PDXDC1: variants seen among roughly 807,000 people sequenced by gnomAD.
The protein encoded by PDXDC1 is pyridoxal dependent decarboxylase domain containing 1.
A neutral mutation model predicts 100.1 loss-of-function variants in PDXDC1; 42 were observed. The ratio of observed to expected loss-of-function variants is 0.42; its 90% CI spans 0.33 to 0.54. The LOEUF (loss-of-function observed/expected upper bound fraction) is 0.54. Among genes scored for constraint, PDXDC1 ranks in the 20% least tolerant of loss-of-function variants. PDXDC1 has a pLI of 0.10. For missense variants in PDXDC1, 636 were observed against 979.2 expected (o/e 0.65, Z 4.68); for synonymous variants, 260 against 371.7 (o/e 0.70, Z 3.46).
intron 16 of PDXDC1, among the ~76,000 whole-genome samples, chr16:15,100,748 G>A (rs1457391960): frequency 6.6e-6 from 1 of 152,150 alleles, no homozygotes; most frequent in African/African-American, 2.4e-5. Context: ...GGAGGGTGAG[G>A]CAGGAGAATT....
intron 16 of PDXDC1, among the ~76,000 whole-genome samples, chr16:15,118,458 T>TTCTAGCAGTCTCATTTTTC (rs1167278881): frequency 1.4e-5 from 1 of 70,066 alleles, no homozygotes; most frequent in African/African-American, 6.1e-5. Context: ...CATCCAGCCC[T>TTCTAGCAGTCTCATTTTTC]TCTAGCAGTC....
intron 19 of PDXDC1, 53 bp from the exon 20 acceptor site, chr16:15,034,232 TG>T (rs996750574): frequency 8.6e-6 from 13 of 1,509,688 alleles, no homozygotes; most frequent in African/African-American, 1.4e-5. Context: ...CTAGCTCTTC[TG>T]GGCCCCAGGT....
At chr16:15,139,700 G>C (rs2151933154), downstream of PDXDC1, among the ~76,000 whole-genome samples, 1 of 152,262 alleles carries the variant, frequency 6.6e-6, no homozygotes, top group South Asian at 2.1e-4. Flanking sequence ...AGGATCGCTT[G>C]AGCCAGGGAG....
the PDXDC1 span, among the ~76,000 whole-genome samples, chr16:15,145,719 G>A: frequency 1.3e-5 from 2 of 152,388 alleles, no homozygotes; most frequent in South Asian, 4.1e-4. Context: ...TCTGGGAAAG[G>A]GCGTGAGCTG....
chr16:14,974,848 T>G, upstream of PDXDC1: 1 of 1,535,634 alleles, frequency 6.5e-7, no homozygotes, highest in East Asian at 2.4e-5. Context: ...TGAATAGTAC[T>G]TTGTGATTAT....
chr16:15,088,112 G>A (rs547816727), intron 16 of PDXDC1, among the ~76,000 whole-genome samples: 17 of 150,996 alleles, frequency 1.1e-4, no homozygotes, highest in South Asian at 8.3e-4. Context: ...GCAAAACTCC[G>A]TCTCAAAAAG....
intron 16 of PDXDC1, among the ~76,000 whole-genome samples, chr16:15,059,070 C>A (rs2966129): frequency 0.65 from 99,295 of 152,112 alleles, 34,225 homozygotes; most frequent in Non-Finnish European, 0.76. Flanking sequence ...TGCAGTTGTA[C>A]ACCAATGAAC....
chr16:15,015,580 G>C (rs1293225191), intron 8 of PDXDC1, among the ~76,000 whole-genome samples: 2 of 152,368 alleles, frequency 1.3e-5, no homozygotes, highest in South Asian at 2.1e-4. Context: ...AGCCGGGCGT[G>C]GTGGCCACCG....
chr16:15,142,291 A>G (rs2048487770), downstream of PDXDC1, among the ~76,000 whole-genome samples: 3 of 151,098 alleles, frequency 2.0e-5, no homozygotes, highest in South Asian at 6.3e-4. Flanking sequence ...TGCCATGGAC[A>G]CTTCTTCCAT....
Position 15,026,587 on chromosome 16 carries a change from T to G in PDXDC1, c.1141-56T>G, listed in dbSNP as rs530132001. On this transcript the variant is annotated intron_variant, in intron 13 of 22. Transcript: ENST00000396410. ...GAGTTTTTGAACTCAGCATTTCATT[T>G]TGAAGGCGTCTGGAGTTTAATGTTA... 1.3e-5 allele frequency: 19 copies of G among 1,444,330 alleles called. No individual in the cohort carries two copies. The East Asian group carries it at 4.0e-4, about 31-fold the overall frequency. 89.5% of individuals were successfully genotyped at this position (1,444,330 alleles called of 1,614,324 possible). A position where few individuals can be genotyped will look rare whatever the true frequency, so the allele number is the denominator to read the frequency against.
chr16:15,072,693 G>C (rs1203727408), intron 16 of PDXDC1, among the ~76,000 whole-genome samples: 1 of 152,130 alleles, frequency 6.6e-6, no homozygotes, highest in African/African-American at 2.4e-5. Context: ...GCTATCGAGA[G>C]GGTAAGGACT....
chr16:14,991,534 T>A (rs1296741063), intron 1 of PDXDC1, among the ~76,000 whole-genome samples: 1 of 152,044 alleles, frequency 6.6e-6, no homozygotes, highest in Non-Finnish European at 1.5e-5. Flanking sequence ...CTATTTTTTT[T>A]TTTTTTTTTG....
chr16:15,151,958 T>C, the PDXDC1 span, among the ~76,000 whole-genome samples: 2 of 53,110 alleles, frequency 3.8e-5, no homozygotes, highest in Non-Finnish European at 7.6e-5. Context: ...AAAAAACACA[T>C]GGGTCAGGAG....
intron 16 of PDXDC1, chr16:15,129,749 C>A: frequency 1.6e-6 from 1 of 626,488 alleles, no homozygotes; most frequent in East Asian, 2.7e-5. Flanking sequence ...CCAGGATGAA[C>A]ACACGAGCCC....
At chr16:15,046,381 G>A (rs2151710396) in intron 16 of PDXDC1, among the ~76,000 whole-genome samples, 1 of 152,336 alleles carries the variant, frequency 6.6e-6, no homozygotes, top group African/African-American at 2.4e-5. Context: ...CAAAGAGCAA[G>A]GAGAGGGGAC....
intron 6 of PDXDC1, 34 bp from the exon 7 acceptor site, chr16:15,008,745 G>C (rs770858601): frequency 7.5e-6 from 12 of 1,606,690 alleles, no homozygotes; most frequent in Non-Finnish European, 9.4e-6. Flanking sequence ...GGTGCAGAGA[G>C]CTTTCTTGTC....
chr16:15,025,846 A>G (rs1391479053), intron 13 of PDXDC1: 2 of 152,518 alleles, frequency 1.3e-5, no homozygotes, highest in East Asian at 1.9e-4. Flanking sequence ...AAGTCAGGGT[A>G]TACTGTTTGA....
At chr16:15,021,598 T>C (rs76711645) in intron 12 of PDXDC1, among the ~76,000 whole-genome samples, 12,090 of 150,296 alleles carry the variant, frequency 0.08, 286 homozygotes, top group East Asian at 0.18. Context: ...TGCCATTAAC[T>C]ACCAGACCCT....
chr16:15,039,697 A>G (rs976498079), downstream of PDXDC1, among the ~76,000 whole-genome samples: 16 of 152,160 alleles, frequency 1.1e-4, no homozygotes, highest in African/African-American at 3.6e-4. Context: ...ACAAAGTAAC[A>G]GAAGTTTGTT....
Sources: allele counts gnomAD v4.1 joint callset (sites outside exome capture counted in the v4.1 genomes callset), GRCh38; gene constraint gnomAD v4.1.1; transcripts MANE v1.5; gene names NCBI Gene and HGNC (gene_info 2026-07-23, HGNC 2026-07-21).